Variants in PKIA observed in about 807,000 individuals in gnomAD.
PKIA encodes the protein cAMP-dependent protein kinase inhibitor alpha.
In PKIA, 4 loss-of-function variants were observed where a neutral mutation model predicts 7.6. The observed-to-expected ratio is 0.52, with a 90% CI of 0.26 to 1.20. The LOEUF (loss-of-function observed/expected upper bound fraction) is 1.20. PKIA is among the 50% of genes most tolerant of loss of function. The pLI, the probability that PKIA is intolerant of heterozygous loss-of-function variation, is 0.13. For synonymous variants in PKIA, 21 were observed against 30.7 expected, an observed-to-expected ratio of 0.68 and a Z score of 1.04; for missense variants, 73 against 86.2, an observed-to-expected ratio of 0.85 and a Z score of 0.61.
chr8:78,519,322 C>A (rs1809373043), intron 1 of PKIA, among the ~76,000 whole-genome samples: 1 of 152,058 alleles, frequency 6.6e-6, no homozygotes, highest in Non-Finnish European at 1.5e-5. Context: ...ATTGAAATAG[C>A]CTTAAGATTT....
intron 1 of PKIA, among the ~76,000 whole-genome samples, chr8:78,559,008 G>A (rs1470641741): frequency 1.1e-4 from 16 of 152,044 alleles, no homozygotes; most frequent in African/African-American, 2.7e-4. Context: ...TGCAACCTCC[G>A]CCTCCTGGGT....
chr8:78,523,922 A>ATT (rs1337724737), intron 1 of PKIA, among the ~76,000 whole-genome samples: 10 of 140,514 alleles, frequency 7.1e-5, no homozygotes, highest in African/African-American at 7.9e-5. Flanking sequence ...ATATATTTAT[A>ATT]TATATATAAA....
chr8:78,602,714 T>TATATATATATATATATA lies in PKIA; in HGVS notation c.*893_*894insATATATATATATATATA, dbSNP rs1563597495. The TATATATATATATATATA allele has an allele frequency of 3.4e-5, 5 of 147,970 alleles. No individual in the cohort carries two copies. The highest frequency in any genetic ancestry group is 7.5e-5 in the African/African-American group (3 of 40,070). 9.2% of individuals were successfully genotyped at this position (147,970 alleles called of 1,614,324 possible). ...CACATAATATATATATATATATATA[T>TATATATATATATATATA]TTTAATTTATGAGAATTTTGGACAA... On this transcript the variant is annotated 3_prime_UTR_variant, in exon 4 of 4. Coordinates refer to ENST00000396418, the MANE Select transcript of PKIA (RefSeq NM_006823.4).
intron 1 of PKIA, among the ~76,000 whole-genome samples, chr8:78,529,403 G>A (rs1441888965): frequency 6.6e-6 from 1 of 151,974 alleles, no homozygotes; most frequent in African/African-American, 2.4e-5. Flanking sequence ...TTAAACTGAA[G>A]TATGATCTAT....
chr8:78,585,510 T>C (rs1178951555), intron 2 of PKIA, among the ~76,000 whole-genome samples: 21 of 152,126 alleles, frequency 1.4e-4, no homozygotes. Flanking sequence ...TTCAGACATG[T>C]AATAGCAATG....
At position 78,605,155 on chromosome 8, in the gene PKIA, T is replaced by G. The variant is rs1808442910; in HGVS notation, c.*3334T>G. 6.6e-6 allele frequency: 1 copy of G among 152,006 alleles called. No individual in the cohort carries two copies. Among genetic ancestry groups the G allele is most frequent in the Non-Finnish European group, 1.5e-5 (1 of 67,962 alleles). The allele number at this position is 152,006 out of a possible 1,614,324, so 9.4% of individuals were successfully genotyped here. A position where few individuals can be genotyped will look rare whatever the true frequency, so the allele number is the denominator to read the frequency against. ...AATAGACCCTAAATTGTTCTTTAAT[T>G]ACAAGAGTGGCAGTCTCTGAAGTCA... On this transcript the variant is annotated 3_prime_UTR_variant, in exon 4 of 4. Transcript: ENST00000396418.
chr8:78,584,512 A>G (rs530868943), intron 2 of PKIA, among the ~76,000 whole-genome samples: 1 of 152,230 alleles, frequency 6.6e-6, no homozygotes. Context: ...AAGAAGTGAC[A>G]TGCAATGATG....
chr8:78,558,768 A>C (rs1182269113), intron 1 of PKIA, among the ~76,000 whole-genome samples: 1 of 152,204 alleles, frequency 6.6e-6, no homozygotes, highest in Non-Finnish European at 1.5e-5. Flanking sequence ...GTAAAAGAAC[A>C]GGTGTGTGAA....
chr8:78,550,204 T>A (rs1159703188), intron 1 of PKIA, among the ~76,000 whole-genome samples: 1 of 152,104 alleles, frequency 6.6e-6, no homozygotes, highest in Non-Finnish European at 1.5e-5. Flanking sequence ...TGGAGGATAT[T>A]AGGGTAGAGT....
At chr8:78,571,477 C>T (rs549326444) in intron 1 of PKIA, among the ~76,000 whole-genome samples, 2 of 152,242 alleles carry the variant, frequency 1.3e-5, no homozygotes, top group East Asian at 1.9e-4. Context: ...CAGGAGATAA[C>T]ATATCTGGCT....
intron 1 of PKIA, chr8:78,535,033 T>C (rs377009688): frequency 6.6e-6 from 1 of 152,118 alleles, no homozygotes; most frequent in Non-Finnish European, 1.5e-5. Context: ...CTGCCATGAG[T>C]TGAAAAAATT....
chr8:78,561,343 G>A (rs1807281349), intron 1 of PKIA, among the ~76,000 whole-genome samples: 1 of 152,052 alleles, frequency 6.6e-6, no homozygotes, highest in African/African-American at 2.4e-5. Context: ...CTGATATCGT[G>A]ACACAGATAT....
Position 78,542,181 on chromosome 8 carries a change from AG to A in PKIA, c.-157+25714del, listed in dbSNP as rs1252709346. Among the ~76,000 whole-genome samples the A allele has an allele frequency of 2.0e-5, 3 of 152,088 alleles. No homozygotes were observed. The East Asian group carries it at 5.8e-4, about 29-fold the overall frequency. ...CTGTCTCAAAAAATACAGTAAGAAGAGCCATGCCACTCCTTGTATTTATGCC... is the reference window on the plus strand; with the variant it reads ...CTGTCTCAAAAAATACAGTAAGAAGACCATGCCACTCCTTGTATTTATGCC... On this transcript the variant is annotated intron_variant, in intron 1 of 3. Transcript: ENST00000396418.
chr8:78,600,288 GA>G (rs1446098563), intron 3 of PKIA, among the ~76,000 whole-genome samples: 1 of 149,572 alleles, frequency 6.7e-6, no homozygotes, highest in East Asian at 2.1e-4. Flanking sequence ...GAATTGTGAG[GA>G]ATTTTTTTTG....
Position 78,551,541 on chromosome 8 carries a change from A to C in PKIA, c.-156-21270A>C, listed in dbSNP as rs1336330224. On this transcript the variant is annotated intron_variant, in intron 1 of 3. Coordinates refer to ENST00000396418, the MANE Select transcript of PKIA (RefSeq NM_006823.4). Reference sequence around the variant, plus strand: ...AATTTTTAGAGAATAGAAGAAACAGAACTTTTAACTTTACATATTAGATGA... The same window carrying C: ...AATTTTTAGAGAATAGAAGAAACAGCACTTTTAACTTTACATATTAGATGA... 2.6e-5 allele frequency among the ~76,000 whole-genome samples: 4 copies of C among 152,068 alleles called. No individual in the cohort carries two copies. In the East Asian group the frequency reaches 7.7e-4, roughly 29 times the overall value.
At chr8:78,596,705 C>A (rs1332109322) in intron 2 of PKIA, among the ~76,000 whole-genome samples, 3 of 152,112 alleles carry the variant, frequency 2.0e-5, no homozygotes, top group African/African-American at 7.2e-5. Context: ...GCTTTTGTGG[C>A]AATTCTTTTT....
intron 1 of PKIA, among the ~76,000 whole-genome samples, chr8:78,561,957 C>A (rs1016981543): frequency 6.6e-6 from 1 of 152,138 alleles, no homozygotes; most frequent in East Asian, 1.9e-4. Context: ...CAAATATTTA[C>A]TGGCTTGAAT....
chr8:78,541,557 G>A (rs1806688888), intron 1 of PKIA, among the ~76,000 whole-genome samples: 1 of 152,050 alleles, frequency 6.6e-6, no homozygotes, highest in Admixed American at 6.6e-5. Flanking sequence ...ATAGTAATGT[G>A]AACTTTTGTT....
chr8:78,597,754 G>A (rs773768172), intron 2 of PKIA, among the ~76,000 whole-genome samples: 4 of 152,088 alleles, frequency 2.6e-5, no homozygotes, highest in Non-Finnish European at 4.4e-5. Context: ...TTTGTTTTAC[G>A]TATTGGCTAT....
Sources: allele counts gnomAD v4.1 joint callset (sites outside exome capture counted in the v4.1 genomes callset), GRCh38; gene constraint gnomAD v4.1.1; transcripts MANE v1.5; gene names NCBI Gene and HGNC (gene_info 2026-07-23, HGNC 2026-07-21).